The following ARL6 variants were observed in gnomAD, a reference collection of about 807,000 sequenced individuals.
The protein encoded by ARL6 is ADP-ribosylation factor-like protein 6.
ARL6 carries 18 observed loss-of-function variants against 27.1 expected under a neutral mutation model. That is an observed-to-expected ratio of 0.66 (90% CI 0.46 to 0.98). ARL6 has a LOEUF of 0.98. Among genes scored for constraint, ARL6 ranks in the 50% least tolerant of loss-of-function variants. The probability of loss-of-function intolerance (pLI) is 0.00; values close to 1 mark genes in which losing one functional copy is unlikely to be tolerated. For synonymous variants in ARL6, 65 were observed against 72.3 expected, an observed-to-expected ratio of 0.90 and a Z score of 0.51; for missense variants, 187 against 214.9, an observed-to-expected ratio of 0.87 and a Z score of 0.81.
At chr3:97,786,382 C>A (rs1294341148) in intron 5 of ARL6, among the ~76,000 whole-genome samples, 1 of 151,780 alleles carries the variant, frequency 6.6e-6, no homozygotes, top group African/African-American at 2.4e-5. Context: ...ATTGATAATG[C>A]ATTTTTGATT....
intron 4 of ARL6, among the ~76,000 whole-genome samples, chr3:97,781,024 T>C (rs76257468): frequency 0.039 from 5,869 of 152,236 alleles, 210 homozygotes; most frequent in African/African-American, 0.095. Context: ...TTTGTCCTTA[T>C]TGTTCACCTG....
At chr3:97,793,380 A>C (rs2037839124) in intron 7 of ARL6, 1 of 152,226 alleles carries the variant, frequency 6.6e-6, no homozygotes, top group South Asian at 2.1e-4. Flanking sequence ...CTACAGAGGA[A>C]TATTCCAGAG....
At chr3:97,772,196 C>T (rs948460830) in intron 2 of ARL6, among the ~76,000 whole-genome samples, 1 of 152,068 alleles carries the variant, frequency 6.6e-6, no homozygotes, top group Non-Finnish European at 1.5e-5. Context: ...GTGCTTTGAT[C>T]TCCTTACTCA....
chr3:97,787,570 A>G (rs192736789), intron 5 of ARL6, among the ~76,000 whole-genome samples: 5 of 152,330 alleles, frequency 3.3e-5, no homozygotes, highest in Admixed American at 3.3e-4. Flanking sequence ...TCTTTTAAAA[A>G]TCTAGCTTGT....
At chr3:97,795,518 T>C (rs968468291) in intron 7 of ARL6, among the ~76,000 whole-genome samples, 20 of 152,168 alleles carry the variant, frequency 1.3e-4, no homozygotes, top group African/African-American at 4.3e-4. Context: ...TTTAAAAAGA[T>C]ATTAATATAT....
At chr3:97,782,939 G>A (rs993810612) in intron 4 of ARL6, among the ~76,000 whole-genome samples, 1 of 149,890 alleles carries the variant, frequency 6.7e-6, no homozygotes, top group African/African-American at 2.4e-5. Context: ...ATTTATTTTT[G>A]GAATAGTAGG....
At chr3:97,785,260 T>A (rs2037395860) in intron 5 of ARL6, among the ~76,000 whole-genome samples, 1 of 151,630 alleles carries the variant, frequency 6.6e-6, no homozygotes, top group Non-Finnish European at 1.5e-5. Context: ...TTTTGCATTG[T>A]TTTTGGGGTG....
chr3:97,766,852 A>G (rs2036403540), intron 1 of ARL6, among the ~76,000 whole-genome samples: 1 of 152,194 alleles, frequency 6.6e-6, no homozygotes, highest in African/African-American at 2.4e-5. Flanking sequence ...TATTTGGTAC[A>G]TAGATATATT....
At chr3:97,791,544 A>G (rs973604466) in intron 6 of ARL6, among the ~76,000 whole-genome samples, 1 of 152,234 alleles carries the variant, frequency 6.6e-6, no homozygotes, top group African/African-American at 2.4e-5. Context: ...TAATCCTGGG[A>G]TAAAATAACT....
intron 5 of ARL6, among the ~76,000 whole-genome samples, chr3:97,785,717 T>C (rs1329359026): frequency 7.9e-5 from 12 of 152,264 alleles, no homozygotes. Context: ...CCACAGTTTA[T>C]TTAATCATTC....
chr3:97,790,281 G>A (rs1292463795), intron 6 of ARL6, among the ~76,000 whole-genome samples: 1 of 152,098 alleles, frequency 6.6e-6, no homozygotes, highest in Non-Finnish European at 1.5e-5. Context: ...AGGTTTGGAG[G>A]AATAATTGTC....
intron 2 of ARL6, among the ~76,000 whole-genome samples, chr3:97,770,921 G>A (rs1244023820): frequency 6.6e-6 from 1 of 151,948 alleles, no homozygotes; most frequent in Non-Finnish European, 1.5e-5. Flanking sequence ...TGGTTATCAT[G>A]GCTTTGTAGT....
chr3:97,776,249 A>C (rs1462170698), intron 2 of ARL6, among the ~76,000 whole-genome samples: 2 of 152,256 alleles, frequency 1.3e-5, no homozygotes, highest in East Asian at 3.9e-4. Flanking sequence ...ATATGAGTAT[A>C]GTTAATCTTG....
chr3:97,788,662 A>G (rs1270798778), intron 6 of ARL6, among the ~76,000 whole-genome samples: 1 of 152,154 alleles, frequency 6.6e-6, no homozygotes, highest in Non-Finnish European at 1.5e-5. Context: ...CACAATACAT[A>G]TTTGTTAAAA....
intron 2 of ARL6, among the ~76,000 whole-genome samples, chr3:97,773,790 A>T (rs2108003476): frequency 6.6e-6 from 1 of 152,358 alleles, no homozygotes; most frequent in Middle Eastern, 3.4e-3. Flanking sequence ...TTGTTTCTGT[A>T]ACTGGTCATG....
intron 4 of ARL6, among the ~76,000 whole-genome samples, chr3:97,782,987 C>CT (rs566587302): frequency 2.4e-4 from 35 of 144,606 alleles, no homozygotes; most frequent in Middle Eastern, 3.7e-3. Context: ...TTTTTCTTTT[C>CT]TTTTTTTTTT....
intron 2 of ARL6, 124 bp from the exon 3 acceptor site, chr3:97,780,026 ATTATATAAC>A (rs1241499253): frequency 8.3e-6 from 6 of 718,950 alleles, no homozygotes; most frequent in Non-Finnish European, 1.5e-5. Context: ...TATTGAAAAA[ATTATATAAC>A]TTTGTTAAAT....
chr3:97,779,694 G>A (rs2037086191), intron 2 of ARL6, among the ~76,000 whole-genome samples: 1 of 151,990 alleles, frequency 6.6e-6, no homozygotes, highest in African/African-American at 2.4e-5. Context: ...GTGAAACCCT[G>A]TCTCCACTAA....
intron 3 of ARL6, 120 bp from the exon 4 acceptor site, chr3:97,780,488 CTTGTAAA>C (rs2037138173): frequency 1.2e-6 from 1 of 813,204 alleles, no homozygotes; most frequent in Non-Finnish European, 2.0e-6. Flanking sequence ...AGAACTTTTA[CTTGTAAA>C]TTGGCACATG....
Sources: allele counts gnomAD v4.1 joint callset (sites outside exome capture counted in the v4.1 genomes callset), GRCh38; gene constraint gnomAD v4.1.1; transcripts MANE v1.5; gene names NCBI Gene and HGNC (gene_info 2026-07-23, HGNC 2026-07-21).